Variants in RAB27B observed in about 807,000 individuals in gnomAD.
The protein encoded by RAB27B is ras-related protein Rab-27B.
A neutral mutation model predicts 24.6 loss-of-function variants in RAB27B; 15 were observed. That is an observed-to-expected ratio of 0.61 (90% CI 0.41 to 0.94). RAB27B has a LOEUF of 0.94. Ranked by LOEUF, RAB27B falls within the 40% of genes least tolerant of loss-of-function variation. RAB27B has a pLI of 0.00. For missense variants in RAB27B, 261 were observed against 266.8 expected, an observed-to-expected ratio of 0.98 and a Z score of 0.15; for synonymous variants, 105 against 92.5, an observed-to-expected ratio of 1.14 and a Z score of -0.78.
At chr18:54,825,130 G>A (rs992455573), upstream of RAB27B, among the ~76,000 whole-genome samples, 2 of 152,168 alleles carry the variant, frequency 1.3e-5, no homozygotes, top group African/African-American at 2.4e-5. Flanking sequence ...TTTAAAAAAT[G>A]TGAAGGCATT....
At chr18:54,756,958 AC>A (rs1379195963) in intron 2 of RAB27B, among the ~76,000 whole-genome samples, 1 of 152,156 alleles carries the variant, frequency 6.6e-6, no homozygotes, top group Non-Finnish European at 1.5e-5. Context: ...AAGCTATTCC[AC>A]TTGGCAAACA....
At position 54,871,849 on chromosome 18, in the gene RAB27B, C is replaced by CG. The variant is rs1491233101; in HGVS notation, c.-19-5718_-19-5717insG. Among the ~76,000 whole-genome samples the CG allele has an allele frequency of 2.8e-4, 24 of 85,974 alleles. No individual in the cohort carries two copies. The East Asian group carries it at 9.3e-3, about 33-fold the overall frequency. The allele number at this position is 85,974 out of a possible 152,430, so 56.4% of individuals were successfully genotyped here. On this transcript the variant is annotated intron_variant, in intron 1 of 5. Transcript: ENST00000262094. ...TGGGCGACAGAGCAAGACTCCATCT[C>CG]AAAAAAAAAAAAAAAAAAAAGAAAT...
At chr18:54,733,079 T>C (rs1909775007) in intron 2 of RAB27B, among the ~76,000 whole-genome samples, 1 of 152,164 alleles carries the variant, frequency 6.6e-6, no homozygotes. Flanking sequence ...GGGGTTTTGC[T>C]CTGTTACCCA....
At position 54,771,350 on chromosome 18, in the gene RAB27B, C is replaced by T. The variant is rs551698758; in HGVS notation, c.-20+53209C>T. On this transcript the variant is annotated intron_variant, in intron 2 of 4. Transcript: ENST00000586570. ...GAACTTGTGTGGAAGTTGAAGGATA[C>T]GGAAGAGTCTAATGTCTCAGGGTCT... is the stretch of plus-strand genomic sequence containing the variant. 3.3e-5 allele frequency among the ~76,000 whole-genome samples: 5 copies of T among 152,198 alleles called. No homozygotes were observed. In the East Asian group the frequency reaches 7.7e-4, roughly 23 times the overall value.
intron 2 of RAB27B, among the ~76,000 whole-genome samples, chr18:54,726,414 T>C (rs1909538634): frequency 6.6e-6 from 1 of 151,536 alleles, no homozygotes; most frequent in Admixed American, 6.6e-5. Flanking sequence ...ATTCATGATG[T>C]TTAGCAGTAA....
chr18:54,858,681 G>C (rs867977953), intron 1 of RAB27B, among the ~76,000 whole-genome samples: 4 of 152,086 alleles, frequency 2.6e-5, no homozygotes, highest in Non-Finnish European at 5.9e-5. Context: ...TGCCCAGCCA[G>C]GAAAACTCTT....
rs59835801 is a variant in RAB27B, at chr18:54,862,928, T to G, written c.-19-14639T>G. Among the ~76,000 whole-genome samples the G allele has an allele frequency of 2.7e-3, 414 of 152,374 alleles. 3 individuals are homozygous for G. The highest frequency in any genetic ancestry group is 9.6e-3 in the African/African-American group (401 of 41,596). On this transcript the variant is annotated intron_variant, in intron 1 of 5. Coordinates refer to ENST00000262094, the MANE Select transcript of RAB27B (RefSeq NM_004163.4). ...TACTTTATTTGTGAGAAATTATTTC[T>G]GAGAATTATTTTTTAGTCAAGATTG...
intron 2 of RAB27B, among the ~76,000 whole-genome samples, chr18:54,805,338 T>C (rs1909757978): frequency 6.6e-6 from 1 of 152,184 alleles, no homozygotes; most frequent in Non-Finnish European, 1.5e-5. Context: ...AAAGATTTAC[T>C]CTGGGTCTGG....
chr18:54,766,968 A>T (rs1908382517), intron 2 of RAB27B, among the ~76,000 whole-genome samples: 1 of 152,124 alleles, frequency 6.6e-6, no homozygotes, highest in South Asian at 2.1e-4. Flanking sequence ...ATTGTGCCAA[A>T]TGACAAGAAT....
intron 1 of RAB27B, among the ~76,000 whole-genome samples, chr18:54,877,090 T>G (rs1394865496): frequency 6.6e-6 from 1 of 152,178 alleles, no homozygotes; most frequent in African/African-American, 2.4e-5. Flanking sequence ...GCTGCTCATG[T>G]TTTTTCATGA....
intron 2 of RAB27B, among the ~76,000 whole-genome samples, chr18:54,725,866 T>G (rs926981024): frequency 6.6e-6 from 1 of 151,632 alleles, no homozygotes; most frequent in Non-Finnish European, 1.5e-5. Flanking sequence ...TCATAGTCTA[T>G]GCAATGTGTT....
chr18:54,768,802 A>G (rs1185831536), intron 2 of RAB27B, among the ~76,000 whole-genome samples: 4 of 152,132 alleles, frequency 2.6e-5, no homozygotes, highest in African/African-American at 4.8e-5. Context: ...AGACACTTAT[A>G]AAACAGTCAC....
At chr18:54,764,704 C>T (rs1177743568) in intron 2 of RAB27B, among the ~76,000 whole-genome samples, 2 of 152,166 alleles carry the variant, frequency 1.3e-5, no homozygotes, top group East Asian at 1.9e-4. Flanking sequence ...TAGGTCTAAA[C>T]TTGGATGTTG....
At chr18:54,758,646 A>AAG (rs1908083617) in intron 2 of RAB27B, among the ~76,000 whole-genome samples, 1 of 151,342 alleles carries the variant, frequency 6.6e-6, no homozygotes, top group South Asian at 2.1e-4. Context: ...AAAAAAAAAA[A>AAG]AAAAGGAACA....
At chr18:54,789,773 T>G (rs1966444) in intron 2 of RAB27B, among the ~76,000 whole-genome samples, 146,615 of 152,154 alleles carry the variant, frequency 0.96, 70,874 homozygotes, top group East Asian at 1. Context: ...ATTACCTTCT[T>G]CATCCTTCCT....
intron 2 of RAB27B, among the ~76,000 whole-genome samples, chr18:54,764,086 T>A (rs762052244): frequency 3.9e-4 from 59 of 152,110 alleles, no homozygotes; most frequent in Non-Finnish European, 7.2e-4. Flanking sequence ...TATGAAGCAG[T>A]AGTTATTGAT....
At chr18:54,788,503 A>G (rs1043398332) in intron 2 of RAB27B, among the ~76,000 whole-genome samples, 3 of 152,130 alleles carry the variant, frequency 2.0e-5, no homozygotes, top group Non-Finnish European at 4.4e-5. Flanking sequence ...GGGTTTCACC[A>G]TGTTGGCCAT....
At chr18:54,794,695 C>T (rs1909359350) in intron 2 of RAB27B, among the ~76,000 whole-genome samples, 1 of 152,150 alleles carries the variant, frequency 6.6e-6, no homozygotes, top group Non-Finnish European at 1.5e-5. Flanking sequence ...AAGGAGAGAC[C>T]TGACAACATG....
At chr18:54,849,656 G>A (rs930985531) in intron 1 of RAB27B, among the ~76,000 whole-genome samples, 2 of 152,210 alleles carry the variant, frequency 1.3e-5, no homozygotes, top group African/African-American at 4.8e-5. Flanking sequence ...AGGAGGTGGA[G>A]GTTGCAGTGA....
Sources: allele counts gnomAD v4.1 joint callset (sites outside exome capture counted in the v4.1 genomes callset), GRCh38; gene constraint gnomAD v4.1.1; transcripts MANE v1.5; gene names NCBI Gene and HGNC (gene_info 2026-07-23, HGNC 2026-07-21).